Variants in RELN observed in about 807,000 individuals in gnomAD.
RELN encodes reelin.
RELN carries 108 observed loss-of-function variants against 427.6 expected under a neutral mutation model. That is an observed-to-expected ratio of 0.25 (90% confidence interval 0.22 to 0.30). The LOEUF is 0.30. Among genes scored for constraint, RELN ranks in the 10% least tolerant of loss-of-function variants. The pLI is 1.00. For missense variants in RELN, 3,715 were observed against 4,302.8 expected (o/e 0.86, Z 3.82); for synonymous variants, 1,524 against 1,513.4 (o/e 1.01, Z -0.16).
At chr7:103,525,695 GTT>G (rs76372202) in intron 46 of RELN, among the ~76,000 whole-genome samples, 11 of 139,158 alleles carry the variant, frequency 7.9e-5, no homozygotes, top group Admixed American at 1.4e-4. Flanking sequence ...TATTCATTCT[GTT>G]TTTTTTTTTT....
chr7:103,535,394 T>G lies in RELN; in HGVS notation c.7271A>C (p.Tyr2424Ser). 6.2e-7 allele frequency: 1 copy of G among 1,614,118 alleles called. No individual in the cohort carries two copies. Among genetic ancestry groups the G allele is most frequent in the Non-Finnish European group, 8.5e-7 (1 of 1,179,976 alleles). Residue 2424 changes from tyrosine (Y) to serine (S), a missense_variant, in exon 46 of 65, where the codon TAT (tyrosine) becomes TCT (serine). Tyr to Ser is a moderately radical substitution (Grantham distance 144, BLOSUM62 -2). Coordinates refer to ENST00000428762, the MANE Select transcript of RELN (RefSeq NM_005045.4). ...CLPTNVECSR[Y>S]HLQRILVSDT... ...TGACACCAGGATCCGTTGCAGATGATAGCGACTGCATTCCACATTGGTAGG... is the reference window on the plus strand; with the variant it reads ...TGACACCAGGATCCGTTGCAGATGAGAGCGACTGCATTCCACATTGGTAGG...
intron 3 of RELN, among the ~76,000 whole-genome samples, chr7:103,799,261 A>G (rs536579345): frequency 1.3e-5 from 2 of 152,286 alleles, no homozygotes; most frequent in Admixed American, 6.5e-5. Flanking sequence ...CACAGCTATG[A>G]TAAAGATGGT....
rs569113954 is a variant in RELN, at chr7:103,652,813, G to T, written c.1555-54C>A. ...CAAAATCCTTTCTAGGCTAGTCCAT[G>T]TAAATTCTCCTAGATTTGACCTAAT... On this transcript the variant is annotated intron_variant, in intron 13 of 64. Coordinates refer to ENST00000428762, the MANE Select transcript of RELN (RefSeq NM_005045.4). The T allele has an allele frequency of 5.2e-6, 8 of 1,529,316 alleles. No individual in the cohort carries two copies. The South Asian group carries it at 7.9e-5, about 15-fold the overall frequency. The allele number at this position is 1,529,316 out of a possible 1,614,324, so 94.7% of individuals were successfully genotyped here.
At chr7:103,607,325 T>C (rs759809767) in intron 22 of RELN, among the ~76,000 whole-genome samples, 16 of 152,186 alleles carry the variant, frequency 1.1e-4, no homozygotes, top group Non-Finnish European at 1.3e-4. Context: ...AGATTGAATA[T>C]TGGCTTCAGT....
chr7:103,643,472 C>T (rs929920520), intron 16 of RELN, among the ~76,000 whole-genome samples: 1 of 152,000 alleles, frequency 6.6e-6, no homozygotes, highest in Non-Finnish European at 1.5e-5. Context: ...TCCTAAGAAA[C>T]TGAATTTGTC....
At chr7:103,862,944 C>T (rs1261981181) in intron 2 of RELN, among the ~76,000 whole-genome samples, 1 of 152,036 alleles carries the variant, frequency 6.6e-6, no homozygotes, top group Non-Finnish European at 1.5e-5. Context: ...TGAAGAGTGA[C>T]CATCTATTCA....
At position 103,510,963 on chromosome 7, in the gene RELN, C is replaced by A; in HGVS notation, c.8162G>T (p.Arg2721Ile). ...CACACCATCAGGGGAGTCACAGAAT[C>A]TTTCTACTGTACAATCATCATGGAA... ...WLFHDDCTVE[R>I]FCDSPDGVML... The change falls in exon 51 of 65, where the codon AGA becomes ATA. Residue 2721 changes from arginine (R) to isoleucine (I), a missense_variant. Transcript: ENST00000428762. 6.2e-7 allele frequency: 1 copy of A among 1,613,528 alleles called. No homozygotes were observed. Among genetic ancestry groups the A allele is most frequent in the Non-Finnish European group, 8.5e-7 (1 of 1,179,528 alleles).
intron 10 of RELN, among the ~76,000 whole-genome samples, chr7:103,691,745 G>A (rs1262261137): frequency 6.6e-6 from 1 of 152,064 alleles, no homozygotes; most frequent in East Asian, 1.9e-4. Flanking sequence ...TCTGGGAGGT[G>A]GAGGCTGCAG....
chr7:103,823,219 T>C (rs895633144), intron 3 of RELN, among the ~76,000 whole-genome samples: 3 of 144,478 alleles, frequency 2.1e-5, no homozygotes, highest in Admixed American at 1.5e-4. Flanking sequence ...AATGTTTTTG[T>C]GCCATTATGT....
chr7:103,762,612 A>C (rs1274532286), intron 4 of RELN, among the ~76,000 whole-genome samples: 1 of 152,208 alleles, frequency 6.6e-6, no homozygotes, highest in Non-Finnish European at 1.5e-5. Flanking sequence ...CACACATGGC[A>C]GTTCCAAAAA....
intron 1 of RELN, among the ~76,000 whole-genome samples, chr7:103,987,961 C>A (rs1244438320): frequency 6.6e-6 from 1 of 151,988 alleles, no homozygotes; most frequent in East Asian, 1.9e-4. Flanking sequence ...TTTTTAAAAA[C>A]AGAAAAATCT....
intron 8 of RELN, among the ~76,000 whole-genome samples, chr7:103,701,836 A>C (rs1271294672): frequency 1.3e-5 from 2 of 152,216 alleles, no homozygotes; most frequent in African/African-American, 4.8e-5. Context: ...AAACAAAAAA[A>C]AATAGTGCAA....
At chr7:103,854,615 G>A (rs1243284074) in intron 2 of RELN, among the ~76,000 whole-genome samples, 1 of 152,142 alleles carries the variant, frequency 6.6e-6, no homozygotes, top group Non-Finnish European at 1.5e-5. Flanking sequence ...TCTGAGATGA[G>A]GGAACCATCA....
intron 11 of RELN, among the ~76,000 whole-genome samples, chr7:103,673,222 G>T (rs1833433455): frequency 6.6e-6 from 1 of 151,918 alleles, no homozygotes; most frequent in Non-Finnish European, 1.5e-5. Flanking sequence ...TTACTGAACT[G>T]TCTTCTTTGT....
intron 2 of RELN, among the ~76,000 whole-genome samples, chr7:103,886,451 A>G (rs1158172905): frequency 1.3e-5 from 2 of 152,336 alleles, no homozygotes; most frequent in Non-Finnish European, 2.9e-5. Flanking sequence ...GTGATTCTGT[A>G]CTAACAAAAG....
At chr7:103,703,494 C>T (rs1834136045) in intron 8 of RELN, among the ~76,000 whole-genome samples, 1 of 152,164 alleles carries the variant, frequency 6.6e-6, no homozygotes, top group Non-Finnish European at 1.5e-5. Context: ...TCACTCCTGG[C>T]TCCCTGTACC....
intron 4 of RELN, among the ~76,000 whole-genome samples, chr7:103,773,115 T>C (rs1274288447): frequency 7.3e-5 from 5 of 68,694 alleles, no homozygotes; most frequent in African/African-American, 2.3e-4. Flanking sequence ...TTTCTTTCTT[T>C]CTTTCTTTCT....
At chr7:103,575,752 T>G in intron 28 of RELN, 47 bp from the exon 29 acceptor site, 1 of 1,604,704 alleles carries the variant, frequency 6.2e-7, no homozygotes, top group Non-Finnish European at 8.5e-7. Context: ...ACATCTCATA[T>G]CAAAGCATTG....
intron 3 of RELN, among the ~76,000 whole-genome samples, chr7:103,785,774 T>C (rs1490032209): frequency 1.3e-5 from 2 of 152,058 alleles, no homozygotes; most frequent in Admixed American, 1.3e-4. Flanking sequence ...TGATCAACTC[T>C]GTGAAAATAT....
Sources: gnomAD v4.1 joint callset for allele counts (sites outside exome capture counted in the v4.1 genomes callset) on GRCh38, gnomAD v4.1.1 for gene constraint, MANE v1.5 for transcripts, NCBI Gene and HGNC (gene_info 2026-07-23, HGNC 2026-07-21) for gene names.